The following DSCAM variants were observed in gnomAD, a reference collection of about 807,000 sequenced individuals.
DSCAM encodes the protein DS cell adhesion molecule.
In DSCAM, 47 loss-of-function variants were observed where a neutral mutation model predicts 217.7. The ratio of observed to expected loss-of-function variants is 0.22; its 90% confidence interval spans 0.17 to 0.28. DSCAM has a LOEUF of 0.28. Ranked by LOEUF, DSCAM falls within the 10% of genes least tolerant of loss-of-function variation. The pLI is 1.00. For missense variants in DSCAM, 2,080 were observed against 2,618.3 expected, an observed-to-expected ratio of 0.79 and a Z score of 4.49; for synonymous variants, 1,056 against 1,015.3, an observed-to-expected ratio of 1.04 and a Z score of -0.76.
At chr21:40,704,620 C>T (rs2090693108) in intron 2 of DSCAM, among the ~76,000 whole-genome samples, 2 of 151,976 alleles carry the variant, frequency 1.3e-5, no homozygotes, top group African/African-American at 4.8e-5. Flanking sequence ...ACTTGGGAGG[C>T]TGAGGGGAAT....
At position 40,099,421 on chromosome 21, in the gene DSCAM, G is replaced by C. The variant is rs183811445; in HGVS notation, c.3697-5547C>G. Among the ~76,000 whole-genome samples, 12 of 152,274 alleles carry C rather than the reference G, an allele frequency of 7.9e-5. No homozygotes were observed. In the East Asian group the frequency reaches 2.3e-3, roughly 29 times the overall value. On this transcript the variant is annotated intron_variant, in intron 20 of 32. Coordinates refer to ENST00000400454, the MANE Select transcript of DSCAM (RefSeq NM_001389.5). Reference sequence around the variant, plus strand: ...GGATGAAAAATAATAACGTCAAGCTGTTAGTGGCTCCTATTGGTTATTTGG... The same window carrying C: ...GGATGAAAAATAATAACGTCAAGCTCTTAGTGGCTCCTATTGGTTATTTGG...
intron 31 of DSCAM, among the ~76,000 whole-genome samples, chr21:40,043,585 C>T (rs1326282236): frequency 1.3e-5 from 2 of 152,172 alleles, no homozygotes; most frequent in Non-Finnish European, 2.9e-5. Flanking sequence ...TGGTTGATGG[C>T]ATAGACTGGA....
intron 1 of DSCAM, among the ~76,000 whole-genome samples, chr21:40,709,251 T>C (rs1380476896): frequency 6.6e-6 from 1 of 152,200 alleles, no homozygotes; most frequent in African/African-American, 2.4e-5. Context: ...GTTGCTGGGA[T>C]CAAATTGCTC....
intron 3 of DSCAM, among the ~76,000 whole-genome samples, chr21:40,683,488 A>G (rs1312943398): frequency 6.6e-6 from 1 of 152,164 alleles, no homozygotes; most frequent in South Asian, 2.1e-4. Flanking sequence ...AGAAAGAAGT[A>G]TGGAAGTTAG....
At chr21:40,535,416 T>A (rs1206227842) in intron 3 of DSCAM, among the ~76,000 whole-genome samples, 1 of 152,194 alleles carries the variant, frequency 6.6e-6, no homozygotes, top group African/African-American at 2.4e-5. Context: ...GCCTGCCACA[T>A]TGTATCTCAA....
chr21:40,142,551 C>T lies in DSCAM; in HGVS notation c.3406+7G>A, dbSNP rs968278983. 1.2e-6 allele frequency: 2 copies of T among 1,613,848 alleles called. No homozygotes were observed. Reference sequence around the variant, plus strand: ...GCAAACCCAAAGTCCTAGTTTAGTCCTCTTACCTCCGTCCATGAGGTTGGC... The same window carrying T: ...GCAAACCCAAAGTCCTAGTTTAGTCTTCTTACCTCCGTCCATGAGGTTGGC... On this transcript the variant is annotated splice_region_variant and intron_variant, in intron 18 of 32. Coordinates refer to ENST00000400454, the MANE Select transcript of DSCAM (RefSeq NM_001389.5).
intron 25 of DSCAM, among the ~76,000 whole-genome samples, chr21:40,079,730 AC>A (rs2089425178): frequency 1.3e-5 from 2 of 152,020 alleles, no homozygotes. Context: ...TAAAAAAAAA[AC>A]AAACGCAATT....
chr21:40,701,850 G>C (rs1204877477), intron 2 of DSCAM, among the ~76,000 whole-genome samples: 1 of 151,946 alleles, frequency 6.6e-6, no homozygotes, highest in East Asian at 1.9e-4. Flanking sequence ...CTCTGAGTAT[G>C]GTCTATATTA....
intron 3 of DSCAM, among the ~76,000 whole-genome samples, chr21:40,592,045 T>C (rs1232501465): frequency 6.6e-6 from 1 of 152,078 alleles, no homozygotes; most frequent in African/African-American, 2.4e-5. Flanking sequence ...GTCTACAACA[T>C]CCTGCTGGCA....
At chr21:40,671,216 T>C (rs2090269313) in intron 3 of DSCAM, among the ~76,000 whole-genome samples, 1 of 152,184 alleles carries the variant, frequency 6.6e-6, no homozygotes, top group South Asian at 2.1e-4. Context: ...AGAAAATCCA[T>C]GCACAGTTTT....
At chr21:40,317,676 C>T (rs1245192180) in intron 8 of DSCAM, among the ~76,000 whole-genome samples, 1 of 152,068 alleles carries the variant, frequency 6.6e-6, no homozygotes, top group African/African-American at 2.4e-5. Context: ...ATTACAGGCA[C>T]ACGCCACTAG....
intron 2 of DSCAM, among the ~76,000 whole-genome samples, chr21:40,694,934 G>GAGAGGAGA (rs1389862649): frequency 1.3e-5 from 2 of 152,204 alleles, no homozygotes; most frequent in African/African-American, 4.8e-5. Context: ...GCAGAAGACA[G>GAGAGGAGA]AGAGGAGAAG....
chr21:40,052,171 C>G (rs1346396703), intron 29 of DSCAM, 64 bp from the exon 30 acceptor site: 1 of 1,566,770 alleles, frequency 6.4e-7, no homozygotes, highest in Non-Finnish European at 8.7e-7. Context: ...ACTCCCTGGC[C>G]TTTTCTCTCC....
chr21:40,345,107 C>T (rs1178805164), intron 6 of DSCAM, among the ~76,000 whole-genome samples: 6 of 152,032 alleles, frequency 3.9e-5, no homozygotes, highest in African/African-American at 1.4e-4. Flanking sequence ...TCTACAGTTT[C>T]AATTTCTCTG....
intron 11 of DSCAM, among the ~76,000 whole-genome samples, chr21:40,260,006 C>T (rs970465434): frequency 2.2e-4 from 33 of 152,090 alleles, no homozygotes; most frequent in African/African-American, 7.7e-4. Flanking sequence ...GGATTACAGG[C>T]GTGAGCCACC....
At chr21:40,432,744 C>T (rs2075546708) in intron 3 of DSCAM, among the ~76,000 whole-genome samples, 1 of 152,168 alleles carries the variant, frequency 6.6e-6, no homozygotes, top group African/African-American at 2.4e-5. Flanking sequence ...TTCATTTTGA[C>T]ATGCATCAAC....
intron 8 of DSCAM, among the ~76,000 whole-genome samples, chr21:40,337,173 G>A (rs1368993564): frequency 1.3e-5 from 2 of 152,080 alleles, no homozygotes; most frequent in Non-Finnish European, 1.5e-5. Flanking sequence ...AAAGAAGCTT[G>A]GGGAAGACCA....
At chr21:40,547,257 C>G (rs779161396) in intron 3 of DSCAM, among the ~76,000 whole-genome samples, 1 of 152,174 alleles carries the variant, frequency 6.6e-6, no homozygotes, top group Admixed American at 6.5e-5. Context: ...CACGGCCTTC[C>G]TTTCTTGCTT....
intron 3 of DSCAM, among the ~76,000 whole-genome samples, chr21:40,691,959 T>G (rs2090542846): frequency 6.6e-6 from 1 of 152,238 alleles, no homozygotes; most frequent in South Asian, 2.1e-4. Flanking sequence ...AAAATGTTGC[T>G]TAGTCAAGAA....
Sources: allele counts gnomAD v4.1 joint callset (sites outside exome capture counted in the v4.1 genomes callset), GRCh38; gene constraint gnomAD v4.1.1; transcripts MANE v1.5; gene names NCBI Gene and HGNC (gene_info 2026-07-23, HGNC 2026-07-21).